Variants in TNRC18 observed in about 807,000 individuals in gnomAD.
TNRC18 encodes trinucleotide repeat-containing gene 18 protein.
TNRC18 carries 69 observed loss-of-function variants against 226.7 expected under a neutral mutation model. The observed-to-expected ratio is 0.30, with a 90% CI of 0.25 to 0.37. The LOEUF (loss-of-function observed/expected upper bound fraction) is 0.37. TNRC18 is among the 10% of genes least tolerant of loss of function. TNRC18 has a pLI of 1.00. For synonymous variants in TNRC18, 2,449 were observed against 1,927.6 expected (o/e 1.27, Z -7.09); for missense variants, 4,754 against 4,256.6 (o/e 1.12, Z -3.25).
At position 5,309,066 on chromosome 7, in the gene TNRC18, C is replaced by A. The variant is rs926847545; in HGVS notation, c.8625+66G>T. 2 of 1,506,082 alleles carry A rather than the reference C, an allele frequency of 1.3e-6. No homozygotes were observed. The highest frequency in any genetic ancestry group is 2.4e-4 in the Middle Eastern group (1 of 4,248). 93.3% of individuals were successfully genotyped at this position (1,506,082 alleles called of 1,614,324 possible). A position where few individuals can be genotyped will look rare whatever the true frequency, so the allele number is the denominator to read the frequency against. On this transcript the variant is annotated intron_variant, in intron 28 of 29. Transcript: ENST00000430969. This position sits in a 1 kb window ranked among gnomAD's most constrained non-coding sequence, Gnocchi z 5.7. ...GCTGCTGATGCTCCAGCACCCAGAA[C>A]GCCTCGCCCTCAGGTCTGCCCTACA...
intron 16 of TNRC18, among the ~76,000 whole-genome samples, chr7:5,352,505 G>C (rs1043374175): frequency 2.6e-5 from 4 of 152,236 alleles, no homozygotes; most frequent in Non-Finnish European, 4.4e-5. Context: ...GACTCAGGAG[G>C]GAAAGGGCTC....
In TNRC18 at chr7:5,325,154, G is replaced by C; in HGVS notation, c.6242C>G (p.Ser2081Cys). The stretch of plus-strand genomic sequence containing the variant: ...TTTGCTCCTTTTGGCAGCGGTCAGG[G>C]AGCTGGCGTGAGGAGCCCTGGCCTC... Reference protein sequence around the residue: ...PSEARAPHASSLTAAKRSKAK... With the variant: ...PSEARAPHASCLTAAKRSKAK... Residue 2081 changes from serine (S) to cysteine (C), a missense_variant, in exon 20 of 30, where the codon TCC (serine) becomes TGC (cysteine). Physicochemically the swap from Ser to Cys is moderately radical, Grantham distance 112 (BLOSUM62 -1). Coordinates refer to ENST00000430969, the MANE Select transcript of TNRC18 (RefSeq NM_001080495.3). The C allele has an allele frequency of 1.3e-6, 2 of 1,551,826 alleles. No individual in the cohort carries two copies. Among genetic ancestry groups the C allele is most frequent in the Middle Eastern group, 2.0e-4 (1 of 5,066 alleles).
Position 5,377,691 on chromosome 7 carries a change from C to T in TNRC18, c.2256-115G>A. On this transcript the variant is annotated intron_variant, in intron 6 of 29. Coordinates refer to ENST00000430969, the MANE Select transcript of TNRC18 (RefSeq NM_001080495.3). The surrounding 1 kb of genome is among the most constrained non-coding windows in gnomAD (Gnocchi z 5.8). ...ACCAGGCCATGAGTCAGGACAACCA[C>T]TGCTCGGAACTGAAGGGCCTCCCGG... 8.2e-7 allele frequency: 1 copy of T among 1,212,680 alleles called. No individual in the cohort carries two copies. The highest frequency in any genetic ancestry group is 1.5e-5 in the South Asian group (1 of 67,576). The allele number at this position is 1,212,680 out of a possible 1,614,324, so 75.1% of individuals were successfully genotyped here. A position where few individuals can be genotyped will look rare whatever the true frequency, so the allele number is the denominator to read the frequency against.
At position 5,308,259 on chromosome 7, in the gene TNRC18, C is replaced by T. The variant is rs201193182; in HGVS notation, c.8754G>A (p.Ser2918=). ...HVDENDVQTV[S]HKCLVVGLEQ... ...CCAGGCCCACCACCAGGCACTTGTG[C>T]GACACCGTCTGCACGTCATTTTCGT... The change falls in exon 30 of 30, where the codon TCG becomes TCA. Residue 2918 remains serine (S), a synonymous_variant. Transcript: ENST00000430969. 9.5e-5 allele frequency: 153 copies of T among 1,612,826 alleles called. No individual in the cohort carries two copies. Among genetic ancestry groups the T allele is most frequent in the Non-Finnish European group, 1.2e-4 (142 of 1,179,522 alleles).
chr7:5,351,896 T>C lies in TNRC18; in HGVS notation c.5393A>G (p.Gln1798Arg), dbSNP rs746987982. Reference protein sequence around the residue: ...LKPKPATSRKQPFCLLLREAE... With the variant: ...LKPKPATSRKRPFCLLLREAE... ...CTCTCGAAGCAGCAGACAAAACGGC[T>C]GCTTCCTGCTGGTGGCCGGCTTGGG... Residue 1798 changes from glutamine to arginine, a missense_variant, in exon 17 of 30, where the codon CAG (glutamine) becomes CGG (arginine). Transcript: ENST00000430969. 8.7e-6 allele frequency: 14 copies of C among 1,613,646 alleles called. No homozygotes were observed. The highest frequency in any genetic ancestry group is 1.2e-5 in the Non-Finnish European group (14 of 1,179,770).
chr7:5,345,260 G>A (rs924157599), intron 18 of TNRC18, among the ~76,000 whole-genome samples: 4 of 152,222 alleles, frequency 2.6e-5, no homozygotes, highest in African/African-American at 9.6e-5. Context: ...GCTGGGTCAG[G>A]GACCTCCATG....
At chr7:5,403,286 G>A (rs941771616) in intron 2 of TNRC18, among the ~76,000 whole-genome samples, 9 of 151,496 alleles carry the variant, frequency 5.9e-5, no homozygotes, top group African/African-American at 1.5e-4. Context: ...TCAGCCTCCC[G>A]AGTAGCTGGG....
intron 18 of TNRC18, among the ~76,000 whole-genome samples, chr7:5,344,128 G>C (rs151273490): frequency 5.3e-5 from 8 of 152,214 alleles, no homozygotes; most frequent in African/African-American, 1.9e-4. Flanking sequence ...TGGGCAGTCT[G>C]GGTGAAATGG....
At chr7:5,327,484 T>C (rs977754580) in intron 19 of TNRC18, among the ~76,000 whole-genome samples, 2 of 151,918 alleles carry the variant, frequency 1.3e-5, no homozygotes, top group African/African-American at 4.8e-5. Flanking sequence ...AGAGGCATCT[T>C]AGGCGCTGAA....
chr7:5,361,894 C>T lies in TNRC18; in HGVS notation c.4532+3G>A. ...CCACGGGGCGGGCGGGGGACACACT[C>T]ACTCGGAGTCCCGGCGGCGCTGCAG... On this transcript the variant is annotated splice_donor_region_variant and intron_variant, in intron 13 of 29. Transcript: ENST00000430969. 1 of 1,554,286 alleles carries T rather than the reference C, an allele frequency of 6.4e-7. No homozygotes were observed. The highest frequency in any genetic ancestry group is 8.7e-7 in the Non-Finnish European group (1 of 1,151,214).
Position 5,421,273 on chromosome 7 carries a change from C to G in TNRC18, c.-27G>C, listed in dbSNP as rs1380940976. On this transcript the variant is annotated 5_prime_UTR_variant, in exon 2 of 30. Coordinates refer to ENST00000430969, the MANE Select transcript of TNRC18 (RefSeq NM_001080495.3). The stretch of plus-strand genomic sequence containing the variant: ...CTCCGCGGGAGTGCCGCGATCAGCC[C>G]CCCACCCGGCCCGCAGGCCTAGCTC... The G allele has an allele frequency of 7.8e-7, 1 of 1,273,944 alleles. No individual in the cohort carries two copies. Among genetic ancestry groups the G allele is most frequent in the Non-Finnish European group, 9.9e-7 (1 of 1,007,898 alleles). 78.9% of individuals were successfully genotyped at this position (1,273,944 alleles called of 1,614,324 possible). A position where few individuals can be genotyped will look rare whatever the true frequency, so the allele number is the denominator to read the frequency against.
Position 5,359,514 on chromosome 7 carries a change from T to C in TNRC18, c.4717A>G (p.Arg1573Gly), listed in dbSNP as rs758853884. ...TCCTCAGACCCCTTGTGTCTCTTTC[T>C]TATCCCTGCTCCCAGCTCATAATCA... The part of the protein sequence containing the change: ...SDDYELGAGI[R>G]KRHKGSEEEH... Residue 1573 changes from arginine to glycine, a missense_variant, in exon 15 of 30, where the codon AGA becomes GGA. By Grantham distance (125) the Arg-to-Gly change is moderately radical (BLOSUM62 -2). Transcript: ENST00000430969. The C allele has an allele frequency of 1.9e-6, 3 of 1,614,030 alleles. No homozygotes were observed. The South Asian group carries it at 3.3e-5, about 18-fold the overall frequency.
Position 5,377,048 on chromosome 7 carries a change from C to T in TNRC18, c.2462-55G>A. ...TGCTGGGAGCCCCCAAGCGGTTTGT[C>T]CTCGGGCAGCCCCAGCCCAGCACCA... On this transcript the variant is annotated intron_variant, in intron 7 of 29. Transcript: ENST00000430969. The surrounding 1 kb of genome is among the most constrained non-coding windows in gnomAD (Gnocchi z 5.8). 1 of 1,535,154 alleles carries T rather than the reference C, an allele frequency of 6.5e-7. No individual in the cohort carries two copies. Among genetic ancestry groups the T allele is most frequent in the Non-Finnish European group, 8.7e-7 (1 of 1,143,232 alleles).
chr7:5,359,025 A>T (rs1044886438), intron 15 of TNRC18, among the ~76,000 whole-genome samples: 15 of 152,210 alleles, frequency 9.9e-5, no homozygotes, highest in African/African-American at 3.6e-4. Context: ...GTTTCTTAGA[A>T]CTACAGAATG....
intron 19 of TNRC18, among the ~76,000 whole-genome samples, chr7:5,326,450 T>C (rs1208953380): frequency 6.6e-6 from 1 of 152,100 alleles, no homozygotes; most frequent in Non-Finnish European, 1.5e-5. Flanking sequence ...CTCTCTGTTT[T>C]GTTGTTGTTT....
rs757667877 is a variant in TNRC18 at position 5,370,819 on chromosome 7, C to T, written c.3775G>A (p.Glu1259Lys). The T allele has an allele frequency of 3.1e-6, 5 of 1,609,128 alleles. No individual in the cohort carries two copies. Among genetic ancestry groups the T allele is most frequent in the Non-Finnish European group, 3.4e-6 (4 of 1,179,250 alleles). ...GCCACAGGCACCTCCACCGGCTCCT[C>T]CTTGGCCTCCACCAGTGTCTCGGGT... The part of the protein sequence containing the change: ...LTPETLVEAK[E>K]EPVEVPVAVP... The change falls in exon 11 of 30, where the codon GAG becomes AAG. Residue 1259 changes from glutamate to lysine, a missense_variant. Transcript: ENST00000430969.
intron 22 of TNRC18, 140 bp from the exon 23 acceptor site, chr7:5,320,747 G>A (rs1583758132): frequency 1.4e-6 from 1 of 724,456 alleles, no homozygotes; most frequent in Non-Finnish European, 2.3e-6. Flanking sequence ...CTGAATTTGG[G>A]AATTCTCCCC....
Position 5,312,924 on chromosome 7 carries a change from G to A in TNRC18, c.7967C>T (p.Ser2656Leu), listed in dbSNP as rs1205418279. ...GGAGGAGGAGGAGGAGGATGAGGAC[G>A]AGGAAGAGGAGGAGGAGGAAGAGGA... is the stretch of plus-strand genomic sequence containing the variant. ...SSSSSSSSSS[S>L]SSSSSSSSSS... Residue 2656 changes from serine (S) to leucine (L), a missense_variant, in exon 27 of 30, where the codon TCG (serine) becomes TTG (leucine). Transcript: ENST00000430969. The surrounding 1 kb of genome is among the most constrained non-coding windows in gnomAD (Gnocchi z 6.3). 8.8e-6 allele frequency: 13 copies of A among 1,472,164 alleles called. No homozygotes were observed. Among genetic ancestry groups the A allele is most frequent in the South Asian group, 6.8e-5 (5 of 73,960 alleles). 91.2% of individuals were successfully genotyped at this position (1,472,164 alleles called of 1,614,324 possible). A position where few individuals can be genotyped will look rare whatever the true frequency, so the allele number is the denominator to read the frequency against.
Position 5,390,256 on chromosome 7 carries a change from T to C in TNRC18, c.487+229A>G. 3.6e-6 allele frequency: 2 copies of C among 557,358 alleles called. No individual in the cohort carries two copies. The highest frequency in any genetic ancestry group is 3.4e-5 in the Admixed American group (1 of 29,282). 34.5% of individuals were successfully genotyped at this position (557,358 alleles called of 1,614,324 possible). A position where few individuals can be genotyped will look rare whatever the true frequency, so the allele number is the denominator to read the frequency against. On this transcript the variant is annotated intron_variant, in intron 4 of 29. Transcript: ENST00000430969. ...GGGGTGTGTCTGCAGTCCCAGCTACTTGGGGGGCTGAGTCAGGTGCATCAT... is the reference window on the plus strand; with the variant it reads ...GGGGTGTGTCTGCAGTCCCAGCTACCTGGGGGGCTGAGTCAGGTGCATCAT...
Sources: allele counts gnomAD v4.1 joint callset (sites outside exome capture counted in the v4.1 genomes callset), GRCh38; gene constraint gnomAD v4.1.1; non-coding constraint Gnocchi (gnomAD v3.1); transcripts MANE v1.5; gene names NCBI Gene and HGNC (gene_info 2026-07-23, HGNC 2026-07-21).